The following PITX3 variants were observed in gnomAD, a reference collection of about 807,000 sequenced individuals.
The protein encoded by PITX3 is pituitary homeobox 3.
Under a neutral mutation model 14.2 loss-of-function variants are expected in PITX3, and 4 were observed. The ratio of observed to expected loss-of-function variants is 0.28; its 90% CI spans 0.14 to 0.65. The LOEUF (loss-of-function observed/expected upper bound fraction) is 0.65. Among genes scored for constraint, PITX3 ranks in the 30% least tolerant of loss-of-function variants. The pLI, the probability that PITX3 is intolerant of heterozygous loss-of-function variation, is 0.82. For synonymous variants in PITX3, 194 were observed against 204.5 expected (o/e 0.95, Z 0.44); for missense variants, 358 against 426.8 (o/e 0.84, Z 1.42).
At position 102,231,656 on chromosome 10, in the gene PITX3, G is replaced by A. The variant is rs1306818841; in HGVS notation, c.253C>T (p.Arg85Cys). Residue 85 changes from arginine (R) to cysteine (C), a missense_variant, in exon 3 of 4, where the codon CGC becomes TGC. This residue lies in a region of PITX3 where 50 missense variants were observed against 96.7 expected (regional missense o/e 0.52). Coordinates refer to ENST00000370002, the MANE Select transcript of PITX3 (RefSeq NM_005029.4). ...QELEATFQRNRYPDMSTREEI... is the reference protein window; with the variant it reads ...QELEATFQRNCYPDMSTREEI... ...TCGCGCGTGCTCATGTCGGGGTAGC[G>A]GTTCCTCTGGAAGGTCGCCTCTAGC... The A allele has an allele frequency of 6.2e-7, 1 of 1,612,512 alleles. No individual in the cohort carries two copies. Among genetic ancestry groups the A allele is most frequent in the Non-Finnish European group, 8.5e-7 (1 of 1,179,368 alleles).
chr10:102,232,996 C>T (rs918725623), intron 1 of PITX3, among the ~76,000 whole-genome samples: 2 of 152,198 alleles, frequency 1.3e-5, no homozygotes, highest in African/African-American at 4.8e-5. Flanking sequence ...GAAACCGTAA[C>T]TTGAAGGAAC....
At chr10:102,231,939 A>G in intron 2 of PITX3, 24 bp downstream of exon 2, 1 of 1,580,908 alleles carries the variant, frequency 6.3e-7, no homozygotes, top group East Asian at 2.2e-5. Context: ...TATGTCCTGC[A>G]CCCCCGGAAG....
chr10:102,232,631 G>A (rs937003847), intron 1 of PITX3, among the ~76,000 whole-genome samples: 9 of 152,192 alleles, frequency 5.9e-5, no homozygotes, highest in African/African-American at 7.2e-5. Flanking sequence ...GCAGCGAGCC[G>A]AGATGGTGCT....
In PITX3 at chr10:102,231,112, G is replaced by C. The variant is rs781392103; in HGVS notation, c.322-11C>G. Reference sequence around the variant, plus strand: ...GTTCTTGAACCACACCTGCGGGCACGGGAGAAAGGCGGTCAGGGCCCGGGG... The same window carrying C: ...GTTCTTGAACCACACCTGCGGGCACCGGAGAAAGGCGGTCAGGGCCCGGGG... On this transcript the variant is annotated splice_polypyrimidine_tract_variant and intron_variant, in intron 3 of 3. Transcript: ENST00000370002. 1.2e-5 allele frequency: 19 copies of C among 1,524,462 alleles called. No individual in the cohort carries two copies. Among genetic ancestry groups the C allele is most frequent in the Middle Eastern group, 1.7e-4 (1 of 5,724 alleles). The allele number at this position is 1,524,462 out of a possible 1,614,324, so 94.4% of individuals were successfully genotyped here. A position where few individuals can be genotyped will look rare whatever the true frequency, so the allele number is the denominator to read the frequency against.
At chr10:102,240,741 A>G (rs1257286446) in intron 1 of PITX3, among the ~76,000 whole-genome samples, 1 of 152,230 alleles carries the variant, frequency 6.6e-6, no homozygotes, top group Non-Finnish European at 1.5e-5. Context: ...CAGATCCACT[A>G]TACCCGCCGC....
At chr10:102,234,684 C>A (rs2070338898) in intron 1 of PITX3, among the ~76,000 whole-genome samples, 1 of 152,162 alleles carries the variant, frequency 6.6e-6, no homozygotes, top group Non-Finnish European at 1.5e-5. Flanking sequence ...AAATGCAAAT[C>A]ATCCCCCTGA....
chr10:102,240,715 C>T (rs1316577169), intron 1 of PITX3, among the ~76,000 whole-genome samples: 1 of 152,242 alleles, frequency 6.6e-6, no homozygotes, highest in East Asian at 1.9e-4. Context: ...CCCTTCTGGG[C>T]CCAGACACCC....
chr10:102,231,441 A>C, intron 3 of PITX3, 147 bp downstream of exon 3: 1 of 630,952 alleles, frequency 1.6e-6, no homozygotes, highest in Admixed American at 2.9e-5. Flanking sequence ...GGCGGGCAAG[A>C]GACCGCGTGG....
intron 1 of PITX3, among the ~76,000 whole-genome samples, chr10:102,233,304 C>CTTTTTTTTT (rs35379060): frequency 9.3e-6 from 1 of 107,910 alleles, no homozygotes. Context: ...TTTTTTCCTT[C>CTTTTTTTTT]TTTTTTTTTT....
At chr10:102,231,914 T>C (rs1172068097) in intron 2 of PITX3, 49 bp downstream of exon 2, 2 of 1,562,054 alleles carry the variant, frequency 1.3e-6, no homozygotes, top group Non-Finnish European at 1.8e-6. Flanking sequence ...CCACCCGCAC[T>C]GGGGATGAAG....
At position 102,230,377 on chromosome 10, in the gene PITX3, C is replaced by A. The variant is rs912177881; in HGVS notation, c.*137G>T. 7.4e-7 allele frequency: 1 copy of A among 1,357,638 alleles called. No individual in the cohort carries two copies. Among genetic ancestry groups the A allele is most frequent in the South Asian group, 1.4e-5 (1 of 70,832 alleles). The allele number at this position is 1,357,638 out of a possible 1,614,324, so 84.1% of individuals were successfully genotyped here. ...AGGGCTGGGAGGGGAAGGCCCTCTCCTGAGCCGGTGCCCCCCAGCTGCCCA... is the reference window on the plus strand; with the variant it reads ...AGGGCTGGGAGGGGAAGGCCCTCTCATGAGCCGGTGCCCCCCAGCTGCCCA... On this transcript the variant is annotated 3_prime_UTR_variant, in exon 4 of 4. Transcript: ENST00000370002.
intron 1 of PITX3, among the ~76,000 whole-genome samples, chr10:102,232,893 C>T (rs1397553650): frequency 1.3e-5 from 2 of 152,162 alleles, no homozygotes; most frequent in Non-Finnish European, 2.9e-5. Context: ...ATATTTCTCC[C>T]TTAAGAATAA....
chr10:102,232,154 C>G, intron 1 of PITX3, 62 bp from the exon 2 acceptor site: 8 of 915,250 alleles, frequency 8.7e-6, no homozygotes, highest in Non-Finnish European at 1.4e-5. Flanking sequence ...TTAGCTAGGT[C>G]CCAGCAGCGT....
Position 102,230,488 on chromosome 10 carries a change from C to T in PITX3, c.*26G>A. 1 of 1,593,008 alleles carries T rather than the reference C, an allele frequency of 6.3e-7. No homozygotes were observed. The highest frequency in any genetic ancestry group is 8.5e-7 in the Non-Finnish European group (1 of 1,170,218). On this transcript the variant is annotated 3_prime_UTR_variant, in exon 4 of 4. Coordinates refer to ENST00000370002, the MANE Select transcript of PITX3 (RefSeq NM_005029.4). ...GGCTGTGAATCGTTGCCCCCGCCCT[C>T]GGGGATGATCTACGGGCGGGGCCGC...
intron 1 of PITX3, among the ~76,000 whole-genome samples, chr10:102,240,551 G>A (rs2070507608): frequency 6.6e-6 from 1 of 152,222 alleles, no homozygotes; most frequent in South Asian, 2.1e-4. Context: ...CTGGGTAGAC[G>A]GACATGCCAC....
chr10:102,234,048 T>A (rs1008346811), intron 1 of PITX3, among the ~76,000 whole-genome samples: 4 of 152,174 alleles, frequency 2.6e-5, no homozygotes, highest in African/African-American at 9.7e-5. Context: ...GGGAGGGGCC[T>A]CTCTGCCTCT....
In PITX3 at chr10:102,230,473, C is replaced by G. The variant is rs200814876; in HGVS notation, c.*41G>C. 1 of 1,580,256 alleles carries G rather than the reference C, an allele frequency of 6.3e-7. No homozygotes were observed. Among genetic ancestry groups the G allele is most frequent in the Middle Eastern group, 2.2e-4 (1 of 4,484 alleles). On this transcript the variant is annotated 3_prime_UTR_variant, in exon 4 of 4. Coordinates refer to ENST00000370002, the MANE Select transcript of PITX3 (RefSeq NM_005029.4). ...ACCCCAGTCCGCGGAGGCTGTGAAT[C>G]GTTGCCCCCGCCCTCGGGGATGATC...
intron 1 of PITX3, among the ~76,000 whole-genome samples, chr10:102,232,648 C>G (rs917046101): frequency 6.6e-6 from 1 of 152,214 alleles, no homozygotes; most frequent in Admixed American, 6.5e-5. Context: ...TGCTACTGCA[C>G]TCCAGCCTGG....
rs572379426 is a variant in PITX3, at chr10:102,231,149, C to T, written c.322-48G>A. The T allele has an allele frequency of 4.1e-6, 6 of 1,464,120 alleles. No homozygotes were observed. The East Asian group carries it at 1.2e-4, about 30-fold the overall frequency. 90.7% of individuals were successfully genotyped at this position (1,464,120 alleles called of 1,614,324 possible). A position where few individuals can be genotyped will look rare whatever the true frequency, so the allele number is the denominator to read the frequency against. On this transcript the variant is annotated intron_variant, in intron 3 of 3. Transcript: ENST00000370002. ...GTCAGGGCCCGGGGCCGGGTCCCAG[C>T]GGCTGAAGGGCGGGCCACCCCGACG... is the stretch of plus-strand genomic sequence containing the variant.
Sources: allele counts gnomAD v4.1 joint callset (sites outside exome capture counted in the v4.1 genomes callset), GRCh38; gene constraint gnomAD v4.1.1; regional missense constraint gnomAD v4.1.1; transcripts MANE v1.5; gene names NCBI Gene and HGNC (gene_info 2026-07-23, HGNC 2026-07-21).